NEK11: variants seen among roughly 807,000 people sequenced by gnomAD.
The protein encoded by NEK11 is NIMA related kinase 11, also known as serine/threonine-protein kinase Nek11.
In NEK11, 72 loss-of-function variants were observed where a neutral mutation model predicts 80.7. The ratio of observed to expected loss-of-function variants is 0.89; its 90% CI spans 0.74 to 1.08. The LOEUF is 1.08. Among genes scored for constraint, NEK11 ranks in the 50% least tolerant of loss-of-function variants. The pLI, the probability that NEK11 is intolerant of heterozygous loss-of-function variation, is 0.00. For synonymous variants in NEK11, 251 were observed against 260.7 expected (o/e 0.96, Z 0.36); for missense variants, 764 against 763.6 (o/e 1.00, Z -0.01).
At position 131,152,408 on chromosome 3, in the gene NEK11, A is replaced by T. The variant is rs755357329; in HGVS notation, c.668A>T (p.Tyr223Phe). Residue 223 changes from tyrosine (Y) to phenylalanine (F), a missense_variant, in exon 8 of 18, where the codon TAT (tyrosine) becomes TTT (phenylalanine). Tyr to Phe is a conservative substitution (Grantham distance 22, BLOSUM62 3). Transcript: ENST00000383366. ...TTCAGGTCACTGGCATGCATTTTGT[A>T]TGAGATGTGCTGCATGAATCATGCA... ...SDIWSLACIL[Y>F]EMCCMNHAFA... 24 of 1,605,942 alleles carry T rather than the reference A, an allele frequency of 1.5e-5. No individual in the cohort carries two copies. The highest frequency in any genetic ancestry group is 2.0e-5 in the Non-Finnish European group (24 of 1,177,456).
intron 14 of NEK11, among the ~76,000 whole-genome samples, chr3:131,207,498 G>T (rs1370322357): frequency 6.6e-6 from 1 of 152,084 alleles, no homozygotes; most frequent in African/African-American, 2.4e-5. Flanking sequence ...CAGGAGAATG[G>T]CATGAACCCA....
intron 7 of NEK11, among the ~76,000 whole-genome samples, 184 bp from the exon 8 acceptor site, chr3:131,152,204 T>G (rs2149807470): frequency 6.6e-6 from 1 of 151,292 alleles, no homozygotes; most frequent in Middle Eastern, 3.4e-3. Context: ...CTTTTTTGGT[T>G]TTTTTTTTGG....
chr3:131,215,520 C>T (rs2094804728), intron 14 of NEK11, among the ~76,000 whole-genome samples: 2 of 152,114 alleles, frequency 1.3e-5, no homozygotes, highest in African/African-American at 4.8e-5. Context: ...GGGGGTTGCC[C>T]AGAAGGCTGG....
At chr3:131,053,590 T>A (rs986597552) in intron 3 of NEK11, 1 of 152,196 alleles carries the variant, frequency 6.6e-6, no homozygotes, top group Non-Finnish European at 1.5e-5. Flanking sequence ...AACTTAACTC[T>A]CCAGTGTCCA....
chr3:131,192,240 C>T (rs536528939), intron 14 of NEK11, among the ~76,000 whole-genome samples: 10 of 152,172 alleles, frequency 6.6e-5, no homozygotes, highest in African/African-American at 2.4e-4. Context: ...CAATGAGATA[C>T]GACTTTACAC....
intron 17 of NEK11, among the ~76,000 whole-genome samples, chr3:131,312,260 T>C (rs1321215271): frequency 3.9e-5 from 6 of 152,226 alleles, no homozygotes; most frequent in African/African-American, 1.4e-4. Flanking sequence ...CAAGGTTTAA[T>C]TTAGTCATCT....
intron 14 of NEK11, among the ~76,000 whole-genome samples, chr3:131,173,934 G>A (rs2092846592): frequency 6.6e-6 from 1 of 152,134 alleles, no homozygotes; most frequent in African/African-American, 2.4e-5. Flanking sequence ...AGGCCTCTAT[G>A]ATAAACTATC....
In NEK11 at chr3:131,037,921, A is replaced by G. The variant is rs1002596680; in HGVS notation, c.170+8043A>G. Among the ~76,000 whole-genome samples the G allele has an allele frequency of 1.1e-4, 17 of 152,272 alleles. No individual in the cohort carries two copies. In the East Asian group the frequency reaches 3.1e-3, roughly 28 times the overall value. ...CTCCAGTGGTTATCTGTGATGGGAT[A>G]GTGGGTTTATTGAGTGGGACGAGTT... On this transcript the variant is annotated intron_variant, in intron 3 of 17. Coordinates refer to ENST00000383366, the MANE Select transcript of NEK11 (RefSeq NM_024800.5).
chr3:131,070,547 T>C (rs1477297475), intron 3 of NEK11, among the ~76,000 whole-genome samples: 4 of 152,162 alleles, frequency 2.6e-5, no homozygotes, highest in African/African-American at 9.7e-5. Flanking sequence ...AACTCTCAAA[T>C]GATAATGAAG....
chr3:131,191,177 G>T (rs894100653), intron 14 of NEK11, among the ~76,000 whole-genome samples: 2 of 152,120 alleles, frequency 1.3e-5, no homozygotes, highest in Admixed American at 6.6e-5. Context: ...AAATAATACT[G>T]TATTGATTTC....
intron 17 of NEK11, among the ~76,000 whole-genome samples, chr3:131,307,400 CTT>C (rs1561472960): frequency 1.3e-5 from 2 of 152,182 alleles, no homozygotes; most frequent in Admixed American, 6.5e-5. Flanking sequence ...TTCCCGAACT[CTT>C]TGTCAAAAGG....
chr3:131,346,491 G>A (rs1029876141), intron 17 of NEK11, among the ~76,000 whole-genome samples: 3 of 152,154 alleles, frequency 2.0e-5, no homozygotes, highest in African/African-American at 7.2e-5. Flanking sequence ...ATATTTGGAT[G>A]CTTTTCTCCA....
intron 17 of NEK11, among the ~76,000 whole-genome samples, chr3:131,309,007 G>C (rs2096750624): frequency 6.6e-6 from 1 of 152,184 alleles, no homozygotes; most frequent in Admixed American, 6.5e-5. Context: ...CCACTGGTTT[G>C]ACAGGAGGCA....
At chr3:131,037,697 G>A (rs1420159965) in intron 3 of NEK11, among the ~76,000 whole-genome samples, 1 of 152,166 alleles carries the variant, frequency 6.6e-6, no homozygotes, top group Non-Finnish European at 1.5e-5. Flanking sequence ...CTTTAGCAAA[G>A]CTAATATTTA....
chr3:131,180,040 A>G (rs1328130960), intron 14 of NEK11, among the ~76,000 whole-genome samples: 3 of 152,188 alleles, frequency 2.0e-5, no homozygotes, highest in Non-Finnish European at 4.4e-5. Flanking sequence ...CTGTGCAGTG[A>G]CTAAGGACCA....
Position 131,155,074 on chromosome 3 carries a change from C to G in NEK11, c.915C>G (p.Asp305Glu), listed in dbSNP as rs1447554463. 3.1e-6 allele frequency: 5 copies of G among 1,611,996 alleles called. No individual in the cohort carries two copies. In the Admixed American group the frequency reaches 8.3e-5, roughly 27 times the overall value. The change falls in exon 10 of 18, where the codon GAC (aspartate) becomes GAG (glutamate). Residue 305 changes from aspartate to glutamate, a missense_variant. By Grantham distance (45) the Asp-to-Glu change is conservative. Transcript: ENST00000383366. ...GATATTCAGAAATGACTCTGGAAGA[C>G]AAAAATTTGGATTGTCAGAAGGAGG... ...MCRYSEMTLE[D>E]KNLDCQKEAA...
intron 9 of NEK11, among the ~76,000 whole-genome samples, 159 bp downstream of exon 9, chr3:131,152,868 G>T (rs140112698): frequency 6.6e-6 from 1 of 152,102 alleles, no homozygotes; most frequent in East Asian, 1.9e-4. Context: ...GATGGATCAC[G>T]AGGTCAAGAG....
At chr3:131,185,299 C>T (rs1043046988) in intron 14 of NEK11, among the ~76,000 whole-genome samples, 3 of 151,948 alleles carry the variant, frequency 2.0e-5, no homozygotes, top group Non-Finnish European at 4.4e-5. Flanking sequence ...TGAAAGAAAA[C>T]TGATAGAAAG....
chr3:131,335,141 C>G (rs1016682611), intron 17 of NEK11, among the ~76,000 whole-genome samples: 5 of 152,146 alleles, frequency 3.3e-5, no homozygotes, highest in African/African-American at 1.2e-4. Flanking sequence ...CATCCTGATA[C>G]CAAAGCCTGG....
Sources: allele counts gnomAD v4.1 joint callset (sites outside exome capture counted in the v4.1 genomes callset), GRCh38; gene constraint gnomAD v4.1.1; transcripts MANE v1.5; gene names NCBI Gene and HGNC (gene_info 2026-07-23, HGNC 2026-07-21).